The following ERC1 variants were observed in gnomAD, a reference collection of about 807,000 sequenced individuals.
ERC1 encodes ELKS/RAB6-interacting/CAST family member 1.
In ERC1, 56 loss-of-function variants were observed where a neutral mutation model predicts 132.0. The ratio of observed to expected loss-of-function variants is 0.42; its 90% confidence interval spans 0.34 to 0.53. The LOEUF (loss-of-function observed/expected upper bound fraction) is 0.53, where lower values mean the gene tolerates loss of function less well. Ranked by LOEUF, ERC1 falls within the 20% of genes least tolerant of loss-of-function variation. ERC1 has a pLI of 0.03. For missense variants in ERC1, 1,202 were observed against 1,349.9 expected, an observed-to-expected ratio of 0.89 and a Z score of 1.72; for synonymous variants, 478 against 476.1, an observed-to-expected ratio of 1.00 and a Z score of -0.05.
chr12:1,189,385 G>A (rs553191744), intron 11 of ERC1, among the ~76,000 whole-genome samples: 54 of 152,294 alleles, frequency 3.5e-4, no homozygotes, highest in African/African-American at 1.2e-3. Flanking sequence ...AGATGCCCAA[G>A]GCCATGTGAG....
chr12:1,066,355 A>G (rs1939187556), intron 2 of ERC1, among the ~76,000 whole-genome samples: 1 of 152,244 alleles, frequency 6.6e-6, no homozygotes, highest in South Asian at 2.1e-4. Context: ...ACAAAGAACT[A>G]TATTAGTAGT....
chr12:1,271,936 G>A (rs1003778177), intron 14 of ERC1, among the ~76,000 whole-genome samples: 3 of 152,204 alleles, frequency 2.0e-5, no homozygotes, highest in Admixed American at 2.0e-4. Flanking sequence ...GGGAAGTCGA[G>A]TCTGAGAGAG....
At chr12:1,102,734 A>G (rs1007698359) in intron 3 of ERC1, among the ~76,000 whole-genome samples, 4 of 152,256 alleles carry the variant, frequency 2.6e-5, no homozygotes, top group African/African-American at 9.6e-5. Flanking sequence ...TAATAAGTAA[A>G]CATAATAAAT....
chr12:1,485,176 CCCAA>C (rs2094185217), intron 18 of ERC1, among the ~76,000 whole-genome samples: 1 of 150,250 alleles, frequency 6.7e-6, no homozygotes, highest in Non-Finnish European at 1.5e-5. Context: ...GGTGTGAGTC[CCCAA>C]ACCTGGTCAA....
intron 17 of ERC1, among the ~76,000 whole-genome samples, chr12:1,418,173 C>T (rs2092215771): frequency 6.6e-6 from 1 of 152,112 alleles, no homozygotes; most frequent in African/African-American, 2.4e-5. Flanking sequence ...CCTTTGTGTT[C>T]ATGCTGATTA....
At chr12:1,004,987 G>A (rs533445800) in intron 1 of ERC1, among the ~76,000 whole-genome samples, 6 of 152,056 alleles carry the variant, frequency 3.9e-5, no homozygotes, top group African/African-American at 1.4e-4. Flanking sequence ...GACTCATAGG[G>A]GTTTCTTCTG....
chr12:1,360,269 A>C (rs1232873981), intron 15 of ERC1, among the ~76,000 whole-genome samples: 1 of 152,244 alleles, frequency 6.6e-6, no homozygotes, highest in Non-Finnish European at 1.5e-5. Flanking sequence ...CATTCAGCAG[A>C]AGTGCTCTCT....
intron 15 of ERC1, among the ~76,000 whole-genome samples, chr12:1,312,934 G>A (rs1202703965): frequency 6.6e-6 from 1 of 151,824 alleles, no homozygotes; most frequent in Non-Finnish European, 1.5e-5. Context: ...ATTACTTTTG[G>A]CAGGTTACAG....
intron 3 of ERC1, among the ~76,000 whole-genome samples, chr12:1,092,001 C>CTTTTTTTTTT (rs34377863): frequency 7.2e-6 from 1 of 138,060 alleles, no homozygotes; most frequent in Non-Finnish European, 1.6e-5. Context: ...TTAATCAATT[C>CTTTTTTTTTT]TTTTTTTTTT....
At chr12:1,411,383 T>G (rs1459301822) in intron 17 of ERC1, among the ~76,000 whole-genome samples, 2 of 152,194 alleles carry the variant, frequency 1.3e-5, no homozygotes, top group Non-Finnish European at 2.9e-5. Flanking sequence ...TGTCTTTGTC[T>G]TGGTGTTAAA....
At chr12:1,253,434 T>C (rs543192605) in intron 13 of ERC1, among the ~76,000 whole-genome samples, 2 of 152,256 alleles carry the variant, frequency 1.3e-5, no homozygotes, top group African/African-American at 2.4e-5. Flanking sequence ...CCCAGCACTT[T>C]GGGAAGCCGA....
At chr12:996,149 C>T (rs570762242) in intron 1 of ERC1, among the ~76,000 whole-genome samples, 65 of 145,834 alleles carry the variant, frequency 4.5e-4, no homozygotes, top group African/African-American at 1.5e-3. Flanking sequence ...AGTGCAGTGG[C>T]GCAATCTCGG....
In ERC1 at chr12:1,129,638, G is replaced by A. The variant is rs114746083; in HGVS notation, c.1570-11982G>A. On this transcript the variant is annotated intron_variant, in intron 7 of 18. Coordinates refer to ENST00000360905, the MANE Select transcript of ERC1 (RefSeq NM_178040.4). ...ACAACAGTAGTGAGAATATGGTAGC[G>A]TAAAATCTTCAAAGTTTAGTGAAAA... Among the ~76,000 whole-genome samples, 202 of 152,294 alleles carry A rather than the reference G, an allele frequency of 1.3e-3. 1 individual carries two copies. Among genetic ancestry groups the A allele is most frequent in the African/African-American group, 4.7e-3 (194 of 41,564 alleles).
chr12:1,411,706 C>G (rs1017749769), intron 17 of ERC1, among the ~76,000 whole-genome samples: 3 of 152,160 alleles, frequency 2.0e-5, no homozygotes, highest in Non-Finnish European at 2.9e-5. Context: ...GTTTACTGGT[C>G]TCTTAGAAAT....
intron 1 of ERC1, among the ~76,000 whole-genome samples, chr12:1,021,012 T>C (rs1966276475): frequency 6.6e-6 from 1 of 152,184 alleles, no homozygotes; most frequent in African/African-American, 2.4e-5. Flanking sequence ...CAGTCTGGGC[T>C]CACTGCAGCC....
At chr12:1,057,842 C>T (rs1973284957) in intron 2 of ERC1, among the ~76,000 whole-genome samples, 1 of 152,030 alleles carries the variant, frequency 6.6e-6, no homozygotes, top group Non-Finnish European at 1.5e-5. Context: ...GATCCACCTG[C>T]CTCGGCCTCC....
chr12:1,420,794 C>T (rs1309934196), intron 17 of ERC1, among the ~76,000 whole-genome samples: 1 of 151,698 alleles, frequency 6.6e-6, no homozygotes, highest in Admixed American at 6.6e-5. Context: ...GGAGAGTTAT[C>T]TGGAACTCTT....
intron 13 of ERC1, among the ~76,000 whole-genome samples, chr12:1,239,437 A>C (rs141170622): frequency 1.1e-4 from 17 of 152,292 alleles, no homozygotes; most frequent in Admixed American, 3.9e-4. Context: ...CAACATAATG[A>C]AGAAATACAG....
chr12:1,092,700 T>C (rs12812621), intron 3 of ERC1, among the ~76,000 whole-genome samples: 28,847 of 152,184 alleles, frequency 0.19, 3,479 homozygotes, highest in Non-Finnish European at 0.25. Context: ...ATGGCTCACG[T>C]CTGTAATCCC....
Sources: allele counts gnomAD v4.1 joint callset (sites outside exome capture counted in the v4.1 genomes callset), GRCh38; gene constraint gnomAD v4.1.1; transcripts MANE v1.5; gene names NCBI Gene and HGNC (gene_info 2026-07-23, HGNC 2026-07-21).